Variants in PPIG observed in about 807,000 individuals in gnomAD.
PPIG encodes the protein peptidyl-prolyl cis-trans isomerase G.
Under a neutral mutation model 87.9 loss-of-function variants are expected in PPIG, and 26 were observed. The observed-to-expected ratio is 0.30, with a 90% confidence interval of 0.22 to 0.41. The LOEUF (loss-of-function observed/expected upper bound fraction) is 0.41, where lower values mean the gene tolerates loss of function less well. Ranked by LOEUF, PPIG falls within the 10% of genes least tolerant of loss-of-function variation. PPIG has a pLI of 1.00. For missense variants in PPIG, 722 were observed against 879.4 expected, an observed-to-expected ratio of 0.82 and a Z score of 2.26; for synonymous variants, 308 against 276.5, an observed-to-expected ratio of 1.11 and a Z score of -1.13.
At chr2:169,597,911 C>A (rs1302039792) in intron 1 of PPIG, among the ~76,000 whole-genome samples, 1 of 151,772 alleles carries the variant, frequency 6.6e-6, no homozygotes, top group Admixed American at 6.6e-5. Context: ...AAACAAAGTT[C>A]TCCCTATGTT....
intron 9 of PPIG, among the ~76,000 whole-genome samples, chr2:169,628,342 G>A (rs184545352): frequency 1.7e-4 from 26 of 152,156 alleles, no homozygotes; most frequent in African/African-American, 5.3e-4. Flanking sequence ...TTACATCTAC[G>A]GTCTCTTCAG....
rs1685402006 is a variant in PPIG, at chr2:169,608,662, T to C, written c.290-9T>C. 1 of 1,594,724 alleles carries C rather than the reference T, an allele frequency of 6.3e-7. No individual in the cohort carries two copies. The highest frequency in any genetic ancestry group is 8.6e-7 in the Non-Finnish European group (1 of 1,163,168). On this transcript the variant is annotated splice_polypyrimidine_tract_variant and intron_variant, in intron 6 of 13. Coordinates refer to ENST00000260970, the MANE Select transcript of PPIG (RefSeq NM_004792.3). The stretch of plus-strand genomic sequence containing the variant: ...CTATAATGTAACTGAAAACTTTACT[T>C]CTCTATAGACGAGAGTTTCGCTGTT...
intron 1 of PPIG, among the ~76,000 whole-genome samples, chr2:169,589,568 A>G: frequency 6.6e-6 from 1 of 152,000 alleles, no homozygotes; most frequent in Non-Finnish European, 1.5e-5. Flanking sequence ...TTATATATAA[A>G]TTGTCTCCTG....
rs923913989 is a variant in PPIG at position 169,640,384 on chromosome 2, T to A, written c.*2861T>A. Reference sequence around the variant, plus strand: ...ATTGGATCTCTGGTATTTTGGGTAGTGGTATTAACTTGACAATTCTAATTT... The same window carrying A: ...ATTGGATCTCTGGTATTTTGGGTAGAGGTATTAACTTGACAATTCTAATTT... On this transcript the variant is annotated 3_prime_UTR_variant, in exon 14 of 14. Transcript: ENST00000260970. 6.6e-6 allele frequency: 1 copy of A among 152,204 alleles called. No individual in the cohort carries two copies. Among genetic ancestry groups the A allele is most frequent in the African/African-American group, 2.4e-5 (1 of 41,454 alleles). The allele number at this position is 152,204 out of a possible 1,614,324, so 9.4% of individuals were successfully genotyped here.
intron 9 of PPIG, among the ~76,000 whole-genome samples, chr2:169,623,241 CA>C (rs1442363460): frequency 6.6e-6 from 1 of 152,168 alleles, no homozygotes; most frequent in Non-Finnish European, 1.5e-5. Context: ...GAACACAGAC[CA>C]GTACCTTGAT....
In PPIG at chr2:169,622,605, T is replaced by C. The variant is rs1324449058; in HGVS notation, c.547+7881T>C. ...ATTTGGCCCTTTATTAATATGTATC[T>C]GCCCAGGAGTTTCTAAAAGGTCAGA... is the stretch of plus-strand genomic sequence containing the variant. On this transcript the variant is annotated intron_variant, in intron 9 of 13. Transcript: ENST00000260970. Among the ~76,000 whole-genome samples, 4 of 152,184 alleles carry C rather than the reference T, an allele frequency of 2.6e-5. No homozygotes were observed. The East Asian group carries it at 7.7e-4, about 29-fold the overall frequency.
At chr2:169,608,206 G>A (rs1351385446) in intron 6 of PPIG, among the ~76,000 whole-genome samples, 1 of 152,088 alleles carries the variant, frequency 6.6e-6, no homozygotes, top group Non-Finnish European at 1.5e-5. Context: ...AGATGAGAGG[G>A]GAGGCTGGGC....
At chr2:169,607,899 C>T (rs888587701) in intron 6 of PPIG, among the ~76,000 whole-genome samples, 6 of 151,976 alleles carry the variant, frequency 3.9e-5, no homozygotes, top group Admixed American at 1.3e-4. Flanking sequence ...CTGTGTTGCC[C>T]GGGCTGGAAT....
At chr2:169,605,241 G>A (rs1226313201) in intron 4 of PPIG, among the ~76,000 whole-genome samples, 1 of 152,152 alleles carries the variant, frequency 6.6e-6, no homozygotes, top group African/African-American at 2.4e-5. Context: ...GGCTCAGACA[G>A]GAGAATCACT....
intron 9 of PPIG, among the ~76,000 whole-genome samples, chr2:169,619,558 A>G (rs973059152): frequency 1.6e-4 from 24 of 152,088 alleles, no homozygotes; most frequent in African/African-American, 5.1e-4. Flanking sequence ...GTGCTCCTGT[A>G]TTGGTGCATA....
At chr2:169,631,074 C>G (rs1449888575) in intron 10 of PPIG, 87 bp downstream of exon 10, 4 of 1,208,414 alleles carry the variant, frequency 3.3e-6, no homozygotes, top group Admixed American at 5.6e-5. Context: ...TTATATGAAA[C>G]TGTTAAAATA....
chr2:169,631,333 G>C (rs763783282), intron 10 of PPIG: 1 of 281,378 alleles, frequency 3.6e-6, no homozygotes, highest in Non-Finnish European at 6.5e-6. Flanking sequence ...TCTTACGATA[G>C]CATAAGGATA....
chr2:169,617,467 A>G lies in PPIG; in HGVS notation c.547+2743A>G, dbSNP rs573262987. 2.1e-4 allele frequency among the ~76,000 whole-genome samples: 32 copies of G among 152,236 alleles called. No individual in the cohort carries two copies. In the South Asian group the frequency reaches 3.9e-3, roughly 19 times the overall value. On this transcript the variant is annotated intron_variant, in intron 9 of 13. Transcript: ENST00000260970. ...TACTTTGGGCAGTATGGCCATTTTT[A>G]CGATATTGATTCTCCCTATCCATGA... is the stretch of plus-strand genomic sequence containing the variant.
At chr2:169,587,963 C>G (rs1003047196) in intron 1 of PPIG, among the ~76,000 whole-genome samples, 1 of 152,050 alleles carries the variant, frequency 6.6e-6, no homozygotes, top group Non-Finnish European at 1.5e-5. Context: ...CCAGACCAGC[C>G]TGACCAACAT....
At chr2:169,598,881 G>GTAAATATATTTGTATAAATACAGA (rs1355985153) in intron 1 of PPIG, among the ~76,000 whole-genome samples, 12 of 148,584 alleles carry the variant, frequency 8.1e-5, no homozygotes, top group Admixed American at 5.4e-4. Context: ...ATAAATACAG[G>GTAAATATATTTGTATAAATACAGA]TAAATATATT....
At chr2:169,609,382 T>G (rs767613422) in intron 7 of PPIG, among the ~76,000 whole-genome samples, 9 of 152,022 alleles carry the variant, frequency 5.9e-5, no homozygotes, top group Non-Finnish European at 1.2e-4. Flanking sequence ...GCTAATTTTT[T>G]AATTTTTTTG....
chr2:169,607,933 T>TC (rs1685378722), intron 6 of PPIG, among the ~76,000 whole-genome samples: 1 of 152,124 alleles, frequency 6.6e-6, no homozygotes, highest in Non-Finnish European at 1.5e-5. Context: ...ATGGGTGTGA[T>TC]CATAGTGCAC....
At chr2:169,633,321 A>T in intron 12 of PPIG, 74 bp downstream of exon 12, 1 of 1,192,088 alleles carries the variant, frequency 8.4e-7, no homozygotes. Context: ...GGTGTTTCTT[A>T]AATATTATTT....
Position 169,605,556 on chromosome 2 carries a change from T to A in PPIG, c.137-483T>A, listed in dbSNP as rs144711074. On this transcript the variant is annotated intron_variant, in intron 4 of 13. Transcript: ENST00000260970. ...TGGCCCATGCCTGTAATCCCAGCAG[T>A]TTGGGAGGCCGAGGTGGGTGGATCA... Among the ~76,000 whole-genome samples the A allele has an allele frequency of 9.4e-3, 1,418 of 151,150 alleles. 30 individuals are homozygous for A. The highest frequency in any genetic ancestry group is 0.033 in the African/African-American group (1,354 of 41,130).
Sources: allele counts gnomAD v4.1 joint callset (sites outside exome capture counted in the v4.1 genomes callset), GRCh38; gene constraint gnomAD v4.1.1; transcripts MANE v1.5; gene names NCBI Gene and HGNC (gene_info 2026-07-23, HGNC 2026-07-21).